The following AKAP6 variants were observed in gnomAD, a reference collection of about 807,000 sequenced individuals.
AKAP6 encodes A-kinase anchor protein 6.
A neutral mutation model predicts 188.5 loss-of-function variants in AKAP6; 58 were observed. The observed-to-expected ratio is 0.31, with a 90% confidence interval of 0.25 to 0.38. The LOEUF (loss-of-function observed/expected upper bound fraction) is 0.38, where lower values mean the gene tolerates loss of function less well. AKAP6 is among the 10% of genes least tolerant of loss of function. AKAP6 has a pLI of 1.00. For missense variants in AKAP6, 2,710 were observed against 2,740.0 expected (o/e 0.99, Z 0.24); for synonymous variants, 989 against 998.6 (o/e 0.99, Z 0.18).
intron 4 of AKAP6, among the ~76,000 whole-genome samples, chr14:32,564,905 T>G (rs1325021875): frequency 3.3e-5 from 5 of 152,216 alleles, no homozygotes; most frequent in African/African-American, 1.2e-4. Context: ...TTTCTATCCT[T>G]GAGAGACTTT....
intron 4 of AKAP6, among the ~76,000 whole-genome samples, chr14:32,571,125 T>C (rs1884463772): frequency 1.3e-5 from 2 of 152,146 alleles, no homozygotes; most frequent in African/African-American, 4.8e-5. Context: ...TTCTGGCACA[T>C]AGTGAGTACC....
chr14:32,541,220 G>A (rs1362199643), intron 3 of AKAP6, among the ~76,000 whole-genome samples: 1 of 152,008 alleles, frequency 6.6e-6, no homozygotes, highest in Non-Finnish European at 1.5e-5. Flanking sequence ...AGCATTAAGT[G>A]TTTTTGAGTA....
chr14:32,805,525 T>C (rs1453696326), intron 12 of AKAP6, among the ~76,000 whole-genome samples: 1 of 152,194 alleles, frequency 6.6e-6, no homozygotes, highest in Non-Finnish European at 1.5e-5. Flanking sequence ...GATAACATTT[T>C]CTGTGTGTTA....
At chr14:32,486,802 C>CT (rs1023951405) in intron 2 of AKAP6, among the ~76,000 whole-genome samples, 1 of 152,198 alleles carries the variant, frequency 6.6e-6, no homozygotes, top group Non-Finnish European at 1.5e-5. Context: ...TGTGAATACT[C>CT]TTTATTTCTT....
At chr14:32,525,927 G>A (rs1882097336) in intron 2 of AKAP6, among the ~76,000 whole-genome samples, 1 of 152,152 alleles carries the variant, frequency 6.6e-6, no homozygotes, top group African/African-American at 2.4e-5. Flanking sequence ...GCTCATTTTA[G>A]TCATCACACT....
chr14:32,340,719 A>C (rs1267773126), intron 1 of AKAP6, among the ~76,000 whole-genome samples: 2 of 152,226 alleles, frequency 1.3e-5, no homozygotes, highest in Non-Finnish European at 2.9e-5. Context: ...AAACAACAGA[A>C]ATTTATTTCT....
Position 32,835,776 on chromosome 14 carries a change from C to T in AKAP6, c.*5971C>T, listed in dbSNP as rs2034869136. ...TAGTCCTTCTTTTCTTTCTTAAATT[C>T]ACCTTTGATAGCACTGCCACACTTC... is the stretch of plus-strand genomic sequence containing the variant. On this transcript the variant is annotated 3_prime_UTR_variant, in exon 14 of 14. Transcript: ENST00000280979. The T allele has an allele frequency of 6.6e-6, 1 of 152,244 alleles. No homozygotes were observed. The highest frequency in any genetic ancestry group is 2.4e-5 in the African/African-American group (1 of 41,560). The allele number at this position is 152,244 out of a possible 1,614,324, so 9.4% of individuals were successfully genotyped here. A position where few individuals can be genotyped will look rare whatever the true frequency, so the allele number is the denominator to read the frequency against.
At chr14:32,734,293 A>G (rs151110202) in intron 10 of AKAP6, 3 of 152,150 alleles carry the variant, frequency 2.0e-5, no homozygotes, top group Admixed American at 2.0e-4. Context: ...ATGGTTTTTA[A>G]TATTACTTTC....
At chr14:32,415,072 C>G (rs1295926635) in intron 1 of AKAP6, among the ~76,000 whole-genome samples, 3 of 152,090 alleles carry the variant, frequency 2.0e-5, no homozygotes, top group Admixed American at 2.0e-4. Flanking sequence ...ACATAACTGG[C>G]AATACTGATG....
At chr14:32,678,978 G>T (rs999189895) in intron 8 of AKAP6, among the ~76,000 whole-genome samples, 1 of 152,122 alleles carries the variant, frequency 6.6e-6, no homozygotes, top group Admixed American at 6.6e-5. Flanking sequence ...TATGGTATGT[G>T]AAAGGACCCA....
rs147859480 is a variant in AKAP6, at chr14:32,548,927, C to T, written c.2346+1928C>T. Reference sequence around the variant, plus strand: ...GTTCTGTTTTTTGTTTTTTTTACATCCATTCGTTGTCGAATACTACTCTGA... The same window carrying T: ...GTTCTGTTTTTTGTTTTTTTTACATTCATTCGTTGTCGAATACTACTCTGA... On this transcript the variant is annotated intron_variant, in intron 4 of 13. Coordinates refer to ENST00000280979, the MANE Select transcript of AKAP6 (RefSeq NM_004274.5). Among the ~76,000 whole-genome samples the T allele has an allele frequency of 2.7e-3, 404 of 152,180 alleles. 3 individuals are homozygous for T. The highest frequency in any genetic ancestry group is 9.3e-3 in the African/African-American group (385 of 41,532).
chr14:32,478,594 A>G (rs1159431333), intron 2 of AKAP6, among the ~76,000 whole-genome samples: 1 of 152,198 alleles, frequency 6.6e-6, no homozygotes. Flanking sequence ...ATAATCAGCA[A>G]GGAGAAAACT....
rs1339552557 is a variant in AKAP6 at position 32,722,211 on chromosome 14, C to T, written c.3001-10243C>T. ...CTTGGGGAAGTATTGAATCTTCTCC[C>T]TTACTGAAGTGCTTTTTTTTGGAAC... On this transcript the variant is annotated intron_variant, in intron 9 of 13. Transcript: ENST00000280979. Among the ~76,000 whole-genome samples the T allele has an allele frequency of 2.0e-5, 3 of 152,158 alleles. 1 individual carries two copies. Among genetic ancestry groups the T allele is most frequent in the Non-Finnish European group, 4.4e-5 (3 of 68,032 alleles).
intron 4 of AKAP6, among the ~76,000 whole-genome samples, chr14:32,560,088 CA>C (rs1252423786): frequency 6.6e-6 from 1 of 151,966 alleles, no homozygotes; most frequent in Non-Finnish European, 1.5e-5. Flanking sequence ...AGGAATTTAA[CA>C]AATGTCTCCA....
intron 2 of AKAP6, among the ~76,000 whole-genome samples, chr14:32,488,383 C>A (rs1879816609): frequency 6.6e-6 from 1 of 152,158 alleles, no homozygotes; most frequent in Admixed American, 6.5e-5. Flanking sequence ...CTACCCCCAC[C>A]AAGCTGGAGC....
At chr14:32,744,702 C>A (rs188321202) in intron 11 of AKAP6, among the ~76,000 whole-genome samples, 1 of 152,244 alleles carries the variant, frequency 6.6e-6, no homozygotes, top group Non-Finnish European at 1.5e-5. Flanking sequence ...AATGAACTTT[C>A]TATTCCTATC....
intron 1 of AKAP6, among the ~76,000 whole-genome samples, chr14:32,336,219 T>TA (rs906661902): frequency 6.1e-5 from 8 of 130,434 alleles, no homozygotes; most frequent in Non-Finnish European, 8.1e-5. Flanking sequence ...AAAAGGTAAG[T>TA]TTTTTTTTTT....
chr14:32,564,858 A>C (rs1333995068), intron 4 of AKAP6, among the ~76,000 whole-genome samples: 3 of 152,196 alleles, frequency 2.0e-5, no homozygotes, highest in Non-Finnish European at 1.5e-5. Context: ...ATCAACACTA[A>C]ATGTTTCCAG....
chr14:32,618,563 A>T (rs1282670818), intron 7 of AKAP6, among the ~76,000 whole-genome samples: 2 of 152,150 alleles, frequency 1.3e-5, no homozygotes, highest in Admixed American at 6.5e-5. Flanking sequence ...TCCGTGGTGT[A>T]TGTATGTCAC....
Sources: gnomAD v4.1 joint callset for allele counts (sites outside exome capture counted in the v4.1 genomes callset) on GRCh38, gnomAD v4.1.1 for gene constraint, MANE v1.5 for transcripts, NCBI Gene and HGNC (gene_info 2026-07-23, HGNC 2026-07-21) for gene names.